ANKS3: variants seen among roughly 807,000 people sequenced by gnomAD.
ANKS3 encodes the protein ankyrin repeat and sterile alpha motif domain containing 3, also known as ankyrin repeat and SAM domain-containing protein 3.
ANKS3 carries 62 observed loss-of-function variants against 80.7 expected under a neutral mutation model. The ratio of observed to expected loss-of-function variants is 0.77; its 90% CI spans 0.63 to 0.95. The LOEUF (loss-of-function observed/expected upper bound fraction) is 0.95, where lower values mean the gene tolerates loss of function less well. Ranked by LOEUF, ANKS3 falls within the 40% of genes least tolerant of loss-of-function variation. The pLI, the probability that ANKS3 is intolerant of heterozygous loss-of-function variation, is 0.00. For missense variants in ANKS3, 1,150 were observed against 883.6 expected, an observed-to-expected ratio of 1.30 and a Z score of -3.82; for synonymous variants, 489 against 355.3, an observed-to-expected ratio of 1.38 and a Z score of -4.23.
intron 3 of ANKS3, among the ~76,000 whole-genome samples, chr16:4,728,858 G>A (rs1480324647): frequency 6.6e-6 from 1 of 152,200 alleles, no homozygotes; most frequent in Non-Finnish European, 1.5e-5. Flanking sequence ...CCTGTGGAGG[G>A]AGCGCAACAG....
At chr16:4,699,580 T>C in intron 11 of ANKS3, 1 of 220,332 alleles carries the variant, frequency 4.5e-6, no homozygotes, top group East Asian at 1.0e-4. Flanking sequence ...AGTTCACCTG[T>C]CTGGAGTTCA....
At chr16:4,706,446 A>G (rs559582436) in intron 7 of ANKS3, among the ~76,000 whole-genome samples, 4 of 152,136 alleles carry the variant, frequency 2.6e-5, no homozygotes, top group African/African-American at 9.7e-5. Flanking sequence ...CATGTTGGCC[A>G]GGCTGGTCTC....
In ANKS3 at chr16:4,698,539, C is replaced by G. The variant is rs780608870; in HGVS notation, c.1612G>C (p.Val538Leu). 10 of 1,577,338 alleles carry G rather than the reference C, an allele frequency of 6.3e-6. No homozygotes were observed. The highest frequency in any genetic ancestry group is 8.5e-6 in the Non-Finnish European group (10 of 1,169,668). The part of the protein sequence containing the change: ...QVCQEQELRA[V>L]VESCLLEQDR... ...TGCTCCAGCAGGCAGCTCTCCACCA[C>G]GGCGCGCAGCTCCTGCTCCTGACAC... Residue 538 changes from valine (V) to leucine (L), a missense_variant, in exon 14 of 18, where the codon GTG becomes CTG. Physicochemically the swap from Val to Leu is conservative, Grantham distance 32 (BLOSUM62 1). Coordinates refer to ENST00000304283, the MANE Select transcript of ANKS3 (RefSeq NM_133450.4).
rs1412417442 is a variant in ANKS3, at chr16:4,724,252, A to G, written c.573+498T>C. The stretch of plus-strand genomic sequence containing the variant: ...TGTACACGGAATACTGTACAAAGAT[A>G]AGATGTCTATAAGATGTCTCTAAGT... On this transcript the variant is annotated intron_variant, in intron 6 of 17. Coordinates refer to ENST00000304283, the MANE Select transcript of ANKS3 (RefSeq NM_133450.4). Among the ~76,000 whole-genome samples, 7 of 151,714 alleles carry G rather than the reference A, an allele frequency of 4.6e-5. No homozygotes were observed. In the East Asian group the frequency reaches 1.3e-3, roughly 29 times the overall value.
At chr16:4,728,188 G>A (rs889365425) in intron 3 of ANKS3, 3 of 152,224 alleles carry the variant, frequency 2.0e-5, no homozygotes, top group African/African-American at 7.2e-5. Context: ...TGGGACTACA[G>A]GCGCCCGCCA....
In ANKS3 at chr16:4,697,087, C is replaced by T. The variant is rs764728065; in HGVS notation, c.1912G>A (p.Val638Met). The T allele has an allele frequency of 6.2e-7, 1 of 1,613,892 alleles. No individual in the cohort carries two copies. Among genetic ancestry groups the T allele is most frequent in the Non-Finnish European group, 8.5e-7 (1 of 1,179,988 alleles). Residue 638 changes from valine (V) to methionine (M), a missense_variant, in exon 17 of 18, where the codon GTG becomes ATG. Coordinates refer to ENST00000304283, the MANE Select transcript of ANKS3 (RefSeq NM_133450.4). Reference protein sequence around the residue: ...VREMGQALCLVTQSLEKLQVL... With the variant: ...VREMGQALCLMTQSLEKLQVL... ...TGCAGCTTCTCCAGGCTCTGGGTCA[C>T]TAAGCACAGTGCTTGCCCTGAGGAA... is the stretch of plus-strand genomic sequence containing the variant.
chr16:4,727,252 T>C, intron 3 of ANKS3, 75 bp from the exon 4 acceptor site: 1 of 1,501,956 alleles, frequency 6.7e-7, no homozygotes, highest in East Asian at 2.3e-5. Context: ...GTGGCGAGGC[T>C]AGGCCAGGCG....
chr16:4,728,311 C>T (rs924946337), intron 3 of ANKS3, among the ~76,000 whole-genome samples: 1 of 152,174 alleles, frequency 6.6e-6, no homozygotes, highest in Non-Finnish European at 1.5e-5. Context: ...TCCCAAAGTG[C>T]TGGATTACAG....
intron 7 of ANKS3, among the ~76,000 whole-genome samples, chr16:4,705,502 C>T (rs2080135969): frequency 6.6e-6 from 1 of 152,216 alleles, no homozygotes; most frequent in Non-Finnish European, 1.5e-5. Context: ...ACTCTGTCCC[C>T]CGAGCTGAAG....
At chr16:4,722,580 A>T (rs2081158799) in intron 6 of ANKS3, among the ~76,000 whole-genome samples, 1 of 149,924 alleles carries the variant, frequency 6.7e-6, no homozygotes, top group Admixed American at 6.7e-5. Flanking sequence ...AGTCTCAAAA[A>T]AAAAAAAAAA....
Position 4,714,068 on chromosome 16 carries a change from C to A in ANKS3, c.692G>T (p.Ser231Ile). The A allele has an allele frequency of 1.9e-6, 3 of 1,614,166 alleles. No homozygotes were observed. The highest frequency in any genetic ancestry group is 2.5e-6 in the Non-Finnish European group (3 of 1,180,014). Residue 231 changes from serine to isoleucine, a missense_variant, in exon 7 of 18, where the codon AGC becomes ATC. Physicochemically the swap from Ser to Ile is moderately radical, Grantham distance 142. Transcript: ENST00000304283. ...GTGGGTACCTGGGCTCCGATAGAGG[C>A]TCTTGGGCAGAGAGGGCGAGTAAGT... ...MDTYSPSLPK[S>I]LYRSPEKYED...
chr16:4,702,013 C>A, intron 9 of ANKS3, 89 bp downstream of exon 9: 1 of 1,448,046 alleles, frequency 6.9e-7, no homozygotes, highest in Non-Finnish European at 9.2e-7. Flanking sequence ...CTGTGTCCAG[C>A]GCCAGGCCCA....
At chr16:4,705,564 T>C (rs923741972) in intron 7 of ANKS3, among the ~76,000 whole-genome samples, 2 of 151,742 alleles carry the variant, frequency 1.3e-5, no homozygotes, top group Non-Finnish European at 2.9e-5. Flanking sequence ...TCCTGGGTTC[T>C]AGCGATTCTC....
intron 5 of ANKS3, 103 bp downstream of exon 5, chr16:4,726,556 G>A (rs2081363358): frequency 4.6e-6 from 6 of 1,293,396 alleles, no homozygotes; most frequent in Non-Finnish European, 6.5e-6. Context: ...TCGTGCCGAA[G>A]CAGGGTGGCC....
intron 6 of ANKS3, among the ~76,000 whole-genome samples, chr16:4,723,140 C>G (rs76931061): frequency 0.016 from 2,451 of 152,218 alleles, 68 homozygotes; most frequent in African/African-American, 0.057. Flanking sequence ...GCACTTCCCC[C>G]CATTGGGTTT....
intron 8 of ANKS3, among the ~76,000 whole-genome samples, chr16:4,703,425 T>TA: frequency 6.6e-6 from 1 of 150,838 alleles, no homozygotes. Flanking sequence ...CCCCCAATTT[T>TA]TTTTTTTTTT....
At position 4,701,515 on chromosome 16, in the gene ANKS3, C is replaced by T. The variant is rs2079903154; in HGVS notation, c.1038G>A (p.Gly346=). ...CGCTGCTGCTGCTGCTCTGGACGGG[C>T]CCCAGGTTGGCACAGAAAGCATGTT... is the stretch of plus-strand genomic sequence containing the variant. ...REEHAFCANL[G]PVQSSSSSEG... is the part of the protein sequence containing the mutation. Residue 346 remains glycine (G), a synonymous_variant, in exon 10 of 18, where the codon GGG becomes GGA. Transcript: ENST00000304283. 6.2e-7 allele frequency: 1 copy of T among 1,611,486 alleles called. No individual in the cohort carries two copies. Among genetic ancestry groups the T allele is most frequent in the Non-Finnish European group, 8.5e-7 (1 of 1,178,842 alleles).
At chr16:4,697,834 G>A (rs757278231) in intron 15 of ANKS3, 143 bp downstream of exon 15, 114 of 813,268 alleles carry the variant, frequency 1.4e-4, no homozygotes, top group Non-Finnish European at 1.9e-4. Context: ...TCTTTTCCTT[G>A]GACTCTGGGA....
chr16:4,697,448 G>C, intron 15 of ANKS3, 32 bp from the exon 16 acceptor site: 2 of 1,528,726 alleles, frequency 1.3e-6, no homozygotes, highest in Non-Finnish European at 1.8e-6. Flanking sequence ...CGAGTTAGCT[G>C]GGGGTCTGCG....
Sources: allele counts gnomAD v4.1 joint callset (sites outside exome capture counted in the v4.1 genomes callset), GRCh38; gene constraint gnomAD v4.1.1; transcripts MANE v1.5; gene names NCBI Gene and HGNC (gene_info 2026-07-23, HGNC 2026-07-21).